MCHR2: variants seen among roughly 807,000 people sequenced by gnomAD.
MCHR2 encodes the protein melanin-concentrating hormone receptor 2.
A neutral mutation model predicts 24.8 loss-of-function variants in MCHR2; 15 were observed. That is an observed-to-expected ratio of 0.60 (90% confidence interval 0.40 to 0.93). The LOEUF is 0.93. MCHR2 is among the 40% of genes least tolerant of loss of function. MCHR2 has a pLI of 0.00. For missense variants in MCHR2, 386 were observed against 408.7 expected, an observed-to-expected ratio of 0.94 and a Z score of 0.48; for synonymous variants, 151 against 147.6, an observed-to-expected ratio of 1.02 and a Z score of -0.17.
chr6:99,934,372 A>G, intron 5 of MCHR2, 26 bp downstream of exon 5: 1 of 1,541,618 alleles, frequency 6.5e-7, no homozygotes, highest in Non-Finnish European at 8.7e-7. Flanking sequence ...TGTTCTTTTA[A>G]CAAATAAAAC....
intron 1 of MCHR2, among the ~76,000 whole-genome samples, chr6:99,980,164 C>T (rs955881449): frequency 2.0e-5 from 3 of 152,200 alleles, no homozygotes; most frequent in African/African-American, 7.2e-5. Flanking sequence ...CACAGTAGCA[C>T]ACTTGACTCC....
chr6:99,985,761 C>G (rs1582414254), intron 1 of MCHR2, among the ~76,000 whole-genome samples: 1 of 151,986 alleles, frequency 6.6e-6, no homozygotes. Context: ...GGACATTGGC[C>G]TAGGCAAAGA....
chr6:99,959,842 T>TG (rs1775142876), intron 1 of MCHR2, among the ~76,000 whole-genome samples: 1 of 149,468 alleles, frequency 6.7e-6, no homozygotes, highest in African/African-American at 2.4e-5. Context: ...ATGATAATAA[T>TG]AATAATAATA....
intron 1 of MCHR2, among the ~76,000 whole-genome samples, chr6:99,985,844 C>A (rs919326170): frequency 2.6e-5 from 4 of 152,076 alleles, no homozygotes; most frequent in South Asian, 2.1e-4. Flanking sequence ...AACTAAAAAT[C>A]TTTTGTACAT....
chr6:99,980,507 A>T (rs1446690130), intron 1 of MCHR2, among the ~76,000 whole-genome samples: 1 of 152,066 alleles, frequency 6.6e-6, no homozygotes, highest in African/African-American at 2.4e-5. Context: ...CTGTCCAAAT[A>T]GTCAATGGGA....
intron 3 of MCHR2, 51 bp from the exon 4 acceptor site, chr6:99,943,194 C>T: frequency 7.5e-6 from 11 of 1,472,254 alleles, no homozygotes; most frequent in Non-Finnish European, 1.0e-5. Context: ...AAGCACTGAG[C>T]TCCAAGGATG....
intron 1 of MCHR2, among the ~76,000 whole-genome samples, chr6:99,971,672 A>G (rs1014659627): frequency 1.1e-4 from 17 of 152,210 alleles, no homozygotes; most frequent in Admixed American, 1.3e-4. Context: ...GTTTTTGCCC[A>G]TTCAACATGA....
At chr6:99,947,175 G>A (rs572165669) in intron 3 of MCHR2, among the ~76,000 whole-genome samples, 39 of 152,194 alleles carry the variant, frequency 2.6e-4, no homozygotes, top group Admixed American at 2.4e-3. Flanking sequence ...TAAAATAACA[G>A]CATTTGTATT....
chr6:99,965,409 A>G (rs1775277888), intron 1 of MCHR2, among the ~76,000 whole-genome samples: 1 of 152,226 alleles, frequency 6.6e-6, no homozygotes. Context: ...TTTTCAGGCA[A>G]CACAGATAAA....
chr6:99,924,345 A>T (rs925511410), intron 5 of MCHR2, among the ~76,000 whole-genome samples: 1 of 151,882 alleles, frequency 6.6e-6, no homozygotes, highest in Non-Finnish European at 1.5e-5. Context: ...GTTTAACTTT[A>T]AAAAAAATCA....
chr6:99,978,108 C>G (rs1775589001), intron 1 of MCHR2, among the ~76,000 whole-genome samples: 1 of 152,180 alleles, frequency 6.6e-6, no homozygotes. Context: ...GCCGATGGGC[C>G]TCTCTGGCAG....
intron 1 of MCHR2, among the ~76,000 whole-genome samples, chr6:99,968,551 G>T (rs930311644): frequency 6.6e-6 from 1 of 151,786 alleles, no homozygotes; most frequent in African/African-American, 2.4e-5. Flanking sequence ...TTCCTAATGA[G>T]GAATACACCA....
rs747763880 is a variant in MCHR2 at position 99,934,411 on chromosome 6, T to C, written c.694A>G (p.Lys232Glu). 1.3e-6 allele frequency: 2 copies of C among 1,592,354 alleles called. No individual in the cohort carries two copies. The highest frequency in any genetic ancestry group is 8.5e-7 in the Non-Finnish European group (1 of 1,172,690). Reference protein sequence around the residue: ...CYTWEMYQQNKDARCCNPSVP... With the variant: ...CYTWEMYQQNEDARCCNPSVP... ...GCAAACACTTACCATCTGGCATCCT[T>C]ATTCTGTTGATACATCTCCCAAGTA... The change falls in exon 5 of 6, where the codon AAG (lysine) becomes GAG (glutamate). Residue 232 changes from lysine to glutamate, a missense_variant. By Grantham distance (56) the Lys-to-Glu change is moderately conservative. Transcript: ENST00000281806.
At chr6:99,925,154 T>C (rs577135932) in intron 5 of MCHR2, among the ~76,000 whole-genome samples, 1 of 152,282 alleles carries the variant, frequency 6.6e-6, no homozygotes, top group African/African-American at 2.4e-5. Context: ...CATTATATGG[T>C]GATCTTCTTT....
intron 1 of MCHR2, among the ~76,000 whole-genome samples, chr6:99,971,109 G>A (rs1775407845): frequency 6.6e-6 from 1 of 152,108 alleles, no homozygotes; most frequent in Admixed American, 6.5e-5. Context: ...AAAGTCATTG[G>A]TAGCTTGATG....
intron 4 of MCHR2, among the ~76,000 whole-genome samples, chr6:99,935,771 C>T (rs919969929): frequency 6.6e-6 from 1 of 151,506 alleles, no homozygotes; most frequent in Non-Finnish European, 1.5e-5. Context: ...TTTAGTTTTT[C>T]GAGGAGCCTT....
rs1161974103 is a variant in MCHR2, at chr6:99,919,958, C to T, written c.*982G>A. 1 of 152,086 alleles carries T rather than the reference C, an allele frequency of 6.6e-6. No individual in the cohort carries two copies. The highest frequency in any genetic ancestry group is 1.5e-5 in the Non-Finnish European group (1 of 68,062). 9.4% of individuals were successfully genotyped at this position (152,086 alleles called of 1,614,324 possible). A position where few individuals can be genotyped will look rare whatever the true frequency, so the allele number is the denominator to read the frequency against. On this transcript the variant is annotated 3_prime_UTR_variant, in exon 6 of 6. Transcript: ENST00000281806. ...GGCCAGACTGGTCTTGAACTTCTGA[C>T]TTTGTGATCCACCTGCCTCCACCTC...
chr6:99,954,358 T>A (rs919401738), intron 2 of MCHR2, among the ~76,000 whole-genome samples: 1 of 152,120 alleles, frequency 6.6e-6, no homozygotes, highest in Non-Finnish European at 1.5e-5. Flanking sequence ...AAAACACCTA[T>A]TAGGTAGTGC....
chr6:99,919,459 G>T lies in MCHR2; in HGVS notation c.*1481C>A, dbSNP rs1436841071. ...AGGGGCTGGTTGAAAATTGGTTTCA[G>T]ATGTTTACGGAGAAAACAAATTTAA... On this transcript the variant is annotated 3_prime_UTR_variant, in exon 6 of 6. Coordinates refer to ENST00000281806, the MANE Select transcript of MCHR2 (RefSeq NM_001040179.2). Among the ~76,000 whole-genome samples, 1 of 152,190 alleles carries T rather than the reference G, an allele frequency of 6.6e-6. No individual in the cohort carries two copies. The highest frequency in any genetic ancestry group is 1.5e-5 in the Non-Finnish European group (1 of 68,038).
Sources: allele counts gnomAD v4.1 joint callset (sites outside exome capture counted in the v4.1 genomes callset), GRCh38; gene constraint gnomAD v4.1.1; transcripts MANE v1.5; gene names NCBI Gene and HGNC (gene_info 2026-07-23, HGNC 2026-07-21).